PRRT4: variants seen among roughly 807,000 people sequenced by gnomAD.
The protein encoded by PRRT4 is proline-rich transmembrane protein 4.
PRRT4 carries 59 observed loss-of-function variants against 55.6 expected under a neutral mutation model. The ratio of observed to expected loss-of-function variants is 1.06; its 90% CI spans 0.86 to 1.32. The LOEUF is 1.32. Ranked by LOEUF, PRRT4 falls within the 40% of genes most tolerant of loss-of-function variation. The pLI is 0.00. For missense variants in PRRT4, 1,217 were observed against 1,222.0 expected (o/e 1.00, Z 0.06); for synonymous variants, 606 against 601.8 (o/e 1.01, Z -0.10).
At position 128,358,779 on chromosome 7, in the gene PRRT4, G is replaced by A; in HGVS notation, c.779C>T (p.Ser260Phe). 6.5e-7 allele frequency: 1 copy of A among 1,549,510 alleles called. No individual in the cohort carries two copies. Among genetic ancestry groups the A allele is most frequent in the Non-Finnish European group, 8.7e-7 (1 of 1,146,094 alleles). Residue 260 changes from serine (S) to phenylalanine (F), a missense_variant, in exon 4 of 5, where the codon TCC becomes TTC. This residue lies in a region of PRRT4 where 564 missense variants were observed against 592.9 expected (regional missense o/e 0.95). Transcript: ENST00000535159. This position sits in a 1 kb window ranked among gnomAD's most constrained non-coding sequence, Gnocchi z 4.4. ...CCTCTCCAGGGAGTATGGGGGCAGG[G>A]ACAGAGTGGTACCAAGGAACCCTGC...
Position 128,358,812 on chromosome 7 carries a change from G to T in PRRT4, c.758-12C>A. ...GGTACCAAGGAACCCTGCAAAGGGA[G>T]CACATGGGGCTCAAGTGCCACCCCA... is the stretch of plus-strand genomic sequence containing the variant. On this transcript the variant is annotated splice_polypyrimidine_tract_variant and intron_variant, in intron 3 of 4. Transcript: ENST00000535159. This position sits in a 1 kb window ranked among gnomAD's most constrained non-coding sequence, Gnocchi z 4.4. The T allele has an allele frequency of 6.6e-7, 1 of 1,521,058 alleles. No individual in the cohort carries two copies. The highest frequency in any genetic ancestry group is 8.8e-7 in the Non-Finnish European group (1 of 1,135,704). 94.2% of individuals were successfully genotyped at this position (1,521,058 alleles called of 1,614,324 possible).
At chr7:128,359,364 T>C in exon 2 of PRRT4, 1 of 1,474,196 alleles carries the variant, frequency 6.8e-7, no homozygotes, top group Admixed American at 2.7e-5. Context: ...CGCCCAGCAA[T>C]CTCTGCCAGG....
chr7:128,360,279 C>G (rs1015203918), intron 1 of PRRT4, among the ~76,000 whole-genome samples: 18 of 152,218 alleles, frequency 1.2e-4, no homozygotes, highest in Non-Finnish European at 2.2e-4. Flanking sequence ...CTCCTTCCCC[C>G]TCTGCTCATG....
At chr7:128,351,286 G>T in exon 5 of PRRT4, 1 of 1,541,806 alleles carries the variant, frequency 6.5e-7, no homozygotes, top group Non-Finnish European at 8.7e-7. Context: ...TCCGAGCCCA[G>T]GCAGAGCGTC....
rs529910754 is a variant in PRRT4, at chr7:128,352,341, C to G, written c.1215G>C (p.Leu405=). The change falls in exon 5 of 5, where the codon CTG becomes CTC. Residue 405 remains leucine (L), a synonymous_variant. Transcript: ENST00000535159. Reference sequence around the variant, plus strand: ...CCCGCGTGGTCCCGGCCGACAGCAGCAGCAGGTCCAGCAGCGCCAGGCAGG... The same window carrying G: ...CCCGCGTGGTCCCGGCCGACAGCAGGAGCAGGTCCAGCAGCGCCAGGCAGG... 91 of 1,540,310 alleles carry G rather than the reference C, an allele frequency of 5.9e-5. 1 individual carries two copies. The East Asian group carries it at 2.2e-3, about 37-fold the overall frequency.
exon 5 of PRRT4, chr7:128,351,372 C>T: frequency 6.5e-7 from 1 of 1,545,698 alleles, no homozygotes; most frequent in Non-Finnish European, 8.7e-7. Context: ...TGCTGCGTCG[C>T]AGGTTGATTG....
rs1797171615 is a variant in PRRT4 at position 128,358,849 on chromosome 7, T to C, written c.758-49A>G. 1 of 1,486,092 alleles carries C rather than the reference T, an allele frequency of 6.7e-7. No homozygotes were observed. Among genetic ancestry groups the C allele is most frequent in the Non-Finnish European group, 8.9e-7 (1 of 1,121,640 alleles). The allele number at this position is 1,486,092 out of a possible 1,614,324, so 92.1% of individuals were successfully genotyped here. A position where few individuals can be genotyped will look rare whatever the true frequency, so the allele number is the denominator to read the frequency against. On this transcript the variant is annotated intron_variant, in intron 3 of 4. Transcript: ENST00000535159. This position sits in a 1 kb window ranked among gnomAD's most constrained non-coding sequence, Gnocchi z 4.4. ...CAAGTGCCACCCCACCAACCAGCCT[T>C]GCCTCTGGGAGTTTGGAGAAAATTA...
At chr7:128,355,618 C>T (rs977347089) in intron 4 of PRRT4, among the ~76,000 whole-genome samples, 3 of 152,188 alleles carry the variant, frequency 2.0e-5, no homozygotes, top group African/African-American at 7.2e-5. Flanking sequence ...ATAGGTCTGG[C>T]AATGGCAGGA....
At chr7:128,351,669 C>G in exon 5 of PRRT4, 1 of 1,512,184 alleles carries the variant, frequency 6.6e-7, no homozygotes, top group South Asian at 1.2e-5. Context: ...AGCGCGGCGG[C>G]ACGCGAGGAC....
At chr7:128,359,971 T>C in exon 2 of PRRT4, 1 of 1,349,806 alleles carries the variant, frequency 7.4e-7, no homozygotes, top group Non-Finnish European at 9.6e-7. Context: ...GTCCCAGCCC[T>C]AGACAGCCAT....
chr7:128,356,239 A>T (rs1797109708), intron 4 of PRRT4, among the ~76,000 whole-genome samples: 2 of 152,296 alleles, frequency 1.3e-5, no homozygotes, highest in Middle Eastern at 3.4e-3. Context: ...GTGACAGAGC[A>T]AGACTCTATC....
chr7:128,355,344 C>T (rs1331374931), intron 4 of PRRT4, among the ~76,000 whole-genome samples: 2 of 152,108 alleles, frequency 1.3e-5, no homozygotes, highest in Admixed American at 1.3e-4. Context: ...ATTACAGGTG[C>T]GTGCCACCAT....
chr7:128,355,178 T>C (rs183818205), intron 4 of PRRT4, among the ~76,000 whole-genome samples: 5 of 151,912 alleles, frequency 3.3e-5, no homozygotes, highest in Non-Finnish European at 5.9e-5. Flanking sequence ...GTTTAACTAA[T>C]AACTTTGGGT....
intron 4 of PRRT4, among the ~76,000 whole-genome samples, chr7:128,354,243 T>C (rs941690749): frequency 6.6e-6 from 1 of 152,044 alleles, no homozygotes; most frequent in Non-Finnish European, 1.5e-5. Flanking sequence ...ACAGGCAGGG[T>C]CAGCTCATGC....
At chr7:128,352,748 C>T in intron 4 of PRRT4, 70 bp from the exon 6 acceptor site, 1 of 1,377,792 alleles carries the variant, frequency 7.3e-7, no homozygotes, top group Non-Finnish European at 9.6e-7. Context: ...CAAGCAGTAG[C>T]CTGAATGCCA....
At position 128,358,392 on chromosome 7, in the gene PRRT4, AT is replaced by A. The variant is rs1410449871; in HGVS notation, c.877+288del. Reference sequence around the variant, plus strand: ...TGGGGTTAGTGCCAGGGCTGTGGAAATCATGAAGAAGTTCCTGTGTCTGTTT... The same window carrying A: ...TGGGGTTAGTGCCAGGGCTGTGGAAACATGAAGAAGTTCCTGTGTCTGTTT... On this transcript the variant is annotated intron_variant, in intron 4 of 4. Transcript: ENST00000535159. The surrounding 1 kb of genome is among the most constrained non-coding windows in gnomAD (Gnocchi z 4.4). 2.0e-5 allele frequency among the ~76,000 whole-genome samples: 3 copies of A among 152,158 alleles called. No individual in the cohort carries two copies. The highest frequency in any genetic ancestry group is 7.2e-5 in the African/African-American group (3 of 41,436).
chr7:128,354,858 G>C lies in PRRT4; in HGVS notation c.878-2180C>G, dbSNP rs557799542. Among the ~76,000 whole-genome samples the C allele has an allele frequency of 2.0e-5, 3 of 152,272 alleles. No homozygotes were observed. In the South Asian group the frequency reaches 6.2e-4, roughly 32 times the overall value. ...ATCCTCAAATCTGAAATGAGTAAGA[G>C]TACCTACTGCATAGGACTGTTGTGA... On this transcript the variant is annotated intron_variant, in intron 4 of 4. Coordinates refer to ENST00000535159, the Ensembl canonical transcript of PRRT4.
At chr7:128,359,054 G>T in intron 3 of PRRT4, 95 bp downstream of exon 4, 2 of 1,359,730 alleles carry the variant, frequency 1.5e-6, no homozygotes, top group Non-Finnish European at 2.1e-6. Context: ...AGCAATGCAA[G>T]AAAGTAAAAA....
chr7:128,352,265 G>T, exon 5 of PRRT4: 1 of 1,543,024 alleles, frequency 6.5e-7, no homozygotes. Flanking sequence ...AGCCAGGCGA[G>T]CGCGGGCAGT....
Sources: gnomAD v4.1 joint callset for allele counts (sites outside exome capture counted in the v4.1 genomes callset) on GRCh38, gnomAD v4.1.1 for gene constraint, gnomAD v4.1.1 regional missense constraint, Gnocchi (gnomAD v3.1) non-coding constraint, MANE v1.5 for transcripts, NCBI Gene and HGNC (gene_info 2026-07-23, HGNC 2026-07-21) for gene names.